Variants in BRINP2 observed in about 807,000 individuals in gnomAD.
BRINP2 encodes BMP/retinoic acid-inducible neural-specific protein 2.
A neutral mutation model predicts 69.2 loss-of-function variants in BRINP2; 21 were observed. The ratio of observed to expected loss-of-function variants is 0.30; its 90% CI spans 0.22 to 0.44. The LOEUF is 0.44. Ranked by LOEUF, BRINP2 falls within the 20% of genes least tolerant of loss-of-function variation. The probability of loss-of-function intolerance (pLI) is 1.00; values close to 1 mark genes in which losing one functional copy is unlikely to be tolerated. For synonymous variants in BRINP2, 380 were observed against 394.1 expected, an observed-to-expected ratio of 0.96 and a Z score of 0.42; for missense variants, 877 against 986.0, an observed-to-expected ratio of 0.89 and a Z score of 1.48.
At chr1:177,187,747 A>T (rs1021251738) in intron 1 of BRINP2, among the ~76,000 whole-genome samples, 3 of 152,208 alleles carry the variant, frequency 2.0e-5, no homozygotes, top group Admixed American at 6.5e-5. Flanking sequence ...AGTAGTTAGG[A>T]CTATGAGCTC....
In BRINP2 at chr1:177,240,975, A is replaced by T. The variant is rs1426173833; in HGVS notation, c.269+10830A>T. Among the ~76,000 whole-genome samples, 4 of 144,858 alleles carry T rather than the reference A, an allele frequency of 2.8e-5. No homozygotes were observed. The South Asian group carries it at 6.6e-4, about 24-fold the overall frequency. ...CCATGAGGTGCTCACTGGAGCCAAT[A>T]TTTTTTTTTTTTTTGAGATGGAGTC... On this transcript the variant is annotated intron_variant, in intron 2 of 7. Transcript: ENST00000361539.
intron 1 of BRINP2, among the ~76,000 whole-genome samples, chr1:177,216,154 G>A (rs902901441): frequency 6.6e-6 from 1 of 151,868 alleles, no homozygotes; most frequent in Admixed American, 6.6e-5. Context: ...TTGCCATTTT[G>A]TTAATTGTTT....
At chr1:177,217,743 T>C (rs1446874773) in intron 1 of BRINP2, among the ~76,000 whole-genome samples, 1 of 152,166 alleles carries the variant, frequency 6.6e-6, no homozygotes, top group Non-Finnish European at 1.5e-5. Flanking sequence ...TGCTTTTAAG[T>C]TCTCTAGATG....
intron 2 of BRINP2, among the ~76,000 whole-genome samples, chr1:177,245,715 G>A (rs1650356337): frequency 6.6e-6 from 1 of 152,112 alleles, no homozygotes; most frequent in Admixed American, 6.5e-5. Context: ...AATCCTTCTG[G>A]TCACACAGAT....
At chr1:177,241,712 A>T (rs1480551331) in intron 2 of BRINP2, among the ~76,000 whole-genome samples, 1 of 152,196 alleles carries the variant, frequency 6.6e-6, no homozygotes, top group Non-Finnish European at 1.5e-5. Flanking sequence ...GATCAATATC[A>T]GTTTTTCATT....
chr1:177,278,479 C>T, intron 6 of BRINP2, 84 bp from the exon 7 acceptor site: 2 of 1,319,240 alleles, frequency 1.5e-6, no homozygotes, highest in South Asian at 2.4e-5. Flanking sequence ...TTTGAAGGGC[C>T]CTGGATCTGG....
chr1:177,269,949 C>A (rs74526077), intron 4 of BRINP2, among the ~76,000 whole-genome samples: 4,354 of 152,178 alleles, frequency 0.029, 102 homozygotes, highest in African/African-American at 0.065. Context: ...GAGTGAACTG[C>A]ACTCTCCATT....
At chr1:177,245,021 A>C (rs1216780880) in intron 2 of BRINP2, among the ~76,000 whole-genome samples, 3 of 152,164 alleles carry the variant, frequency 2.0e-5, no homozygotes, top group Non-Finnish European at 2.9e-5. Context: ...AGGGCACTCT[A>C]ATACTGGCGA....
At chr1:177,182,151 C>A (rs1648277451) in intron 1 of BRINP2, among the ~76,000 whole-genome samples, 1 of 148,240 alleles carries the variant, frequency 6.7e-6, no homozygotes, top group Non-Finnish European at 1.5e-5. Flanking sequence ...TGCCCCACCC[C>A]TCCCATCCTC....
chr1:177,180,877 C>G (rs1474780963), intron 1 of BRINP2, among the ~76,000 whole-genome samples: 1 of 152,150 alleles, frequency 6.6e-6, no homozygotes, highest in Non-Finnish European at 1.5e-5. Context: ...GACACATCTG[C>G]GAAGTTCTGT....
intron 1 of BRINP2, among the ~76,000 whole-genome samples, chr1:177,187,738 G>A (rs1469824254): frequency 6.6e-6 from 1 of 152,204 alleles, no homozygotes; most frequent in African/African-American, 2.4e-5. Context: ...GATATAGCAA[G>A]TAGTTAGGAC....
At chr1:177,256,163 G>T (rs1163355783) in intron 3 of BRINP2, 54 bp downstream of exon 3, 1 of 1,578,162 alleles carries the variant, frequency 6.3e-7, no homozygotes, top group Non-Finnish European at 8.7e-7. Context: ...TGGAAATAAC[G>T]TTAAGACTCG....
chr1:177,217,087 T>C (rs1452003711), intron 1 of BRINP2, among the ~76,000 whole-genome samples: 9 of 152,036 alleles, frequency 5.9e-5, no homozygotes, highest in African/African-American at 2.2e-4. Context: ...TTTAAATATG[T>C]TTTATGGCCT....
At chr1:177,241,111 A>G (rs1650189452) in intron 2 of BRINP2, among the ~76,000 whole-genome samples, 1 of 152,082 alleles carries the variant, frequency 6.6e-6, no homozygotes, top group Admixed American at 6.5e-5. Flanking sequence ...AGCTGGGACT[A>G]CAGGCATCCA....
At chr1:177,190,186 C>A (rs1265883444) in intron 1 of BRINP2, among the ~76,000 whole-genome samples, 1 of 152,184 alleles carries the variant, frequency 6.6e-6, no homozygotes, top group African/African-American at 2.4e-5. Flanking sequence ...TCATACGGGG[C>A]AACCCTCCAT....
chr1:177,223,915 G>A (rs1386057247), intron 1 of BRINP2, among the ~76,000 whole-genome samples: 1 of 152,088 alleles, frequency 6.6e-6, no homozygotes, highest in East Asian at 1.9e-4. Context: ...GGTTCAAATG[G>A]AAGAATTATG....
chr1:177,254,014 A>T (rs1650669587), intron 2 of BRINP2, among the ~76,000 whole-genome samples: 1 of 152,108 alleles, frequency 6.6e-6, no homozygotes, highest in African/African-American at 2.4e-5. Context: ...TACCAGTATA[A>T]TTTGGGGGAC....
intron 1 of BRINP2, among the ~76,000 whole-genome samples, chr1:177,227,036 G>A (rs1163258478): frequency 6.6e-6 from 1 of 152,124 alleles, no homozygotes; most frequent in African/African-American, 2.4e-5. Context: ...TAAAATATCT[G>A]CCATCTGGAC....
At chr1:177,256,877 G>T (rs1041626795) in intron 3 of BRINP2, 4 of 1,214,230 alleles carry the variant, frequency 3.3e-6, no homozygotes, top group Admixed American at 7.0e-5. Context: ...AGAGAGAATT[G>T]TGTCTCCCCT....
Sources: gnomAD v4.1 joint callset for allele counts (sites outside exome capture counted in the v4.1 genomes callset) on GRCh38, gnomAD v4.1.1 for gene constraint, MANE v1.5 for transcripts, NCBI Gene and HGNC (gene_info 2026-07-23, HGNC 2026-07-21) for gene names.